Variants in GOLGA6C observed in about 807,000 individuals in gnomAD.
The protein encoded by GOLGA6C is golgin subfamily A member 6C.
GOLGA6C carries 3 observed loss-of-function variants against 57.5 expected under a neutral mutation model. The ratio of observed to expected loss-of-function variants is 0.05; its 90% CI spans 0.02 to 0.13. GOLGA6C has a LOEUF of 0.13. Ranked by LOEUF, GOLGA6C falls within the 10% of genes least tolerant of loss-of-function variation. GOLGA6C has a pLI of 1.00. For missense variants in GOLGA6C, 88 were observed against 525.6 expected (o/e 0.17, Z 8.14); for synonymous variants, 32 against 203.8 (o/e 0.16, Z 7.18).
Position 75,265,054 on chromosome 15 carries a change from G to A in GOLGA6C, c.565-68G>A. The A allele has an allele frequency of 3.8e-6, 6 of 1,586,068 alleles. No homozygotes were observed. In the East Asian group the frequency reaches 9.1e-5, roughly 24 times the overall value. ...CTAACCGAGTTGTATATTGAGCCTA[G>A]CCCTAGCCCTTTTAAGGGGCACTGC... On this transcript the variant is annotated intron_variant, in intron 7 of 17. Coordinates refer to ENST00000300576, the MANE Select transcript of GOLGA6C (RefSeq NM_001164404.2).
chr15:75,260,668 C>A lies in GOLGA6C; in HGVS notation c.204+176C>A, dbSNP rs1230471718. On this transcript the variant is annotated intron_variant, in intron 2 of 17. Coordinates refer to ENST00000300576, the MANE Select transcript of GOLGA6C (RefSeq NM_001164404.2). ...GCTCTTTGAGCCTCTCTTTTCACAT[C>A]TGTGAAATAGGGGTAGTATTGTTTG... Among the ~76,000 whole-genome samples the A allele has an allele frequency of 1.3e-5, 2 of 149,944 alleles. 1 individual carries two copies. The highest frequency in any genetic ancestry group is 4.9e-5 in the African/African-American group (2 of 40,430).
Position 75,272,750 on chromosome 15 carries a change from T to C in GOLGA6C, c.*2551T>C, listed in dbSNP as rs1476528820. 6.6e-6 allele frequency among the ~76,000 whole-genome samples: 1 copy of C among 151,048 alleles called. No homozygotes were observed. The highest frequency in any genetic ancestry group is 2.5e-5 in the African/African-American group (1 of 40,310). On this transcript the variant is annotated 3_prime_UTR_variant, in exon 18 of 18. Coordinates refer to ENST00000300576, the MANE Select transcript of GOLGA6C (RefSeq NM_001164404.2). ...GAAAAATTAAATAGCATGTAAATCA[T>C]ATAACAATAACTTAAGTCTTTCTTC...
chr15:75,270,587 T>C lies in GOLGA6C; in HGVS notation c.*388T>C, dbSNP rs2070785291. On this transcript the variant is annotated 3_prime_UTR_variant, in exon 18 of 18. Transcript: ENST00000300576. ...AGACCCACTAATTTGCACAAAACTA[T>C]TCTGGCTGGTTTGGAACAGGCTGCC... 1.5e-5 allele frequency among the ~76,000 whole-genome samples: 1 copy of C among 66,688 alleles called. No individual in the cohort carries two copies. Among genetic ancestry groups the C allele is most frequent in the Non-Finnish European group, 2.8e-5 (1 of 35,884 alleles). The allele number at this position is 66,688 out of a possible 152,430, so 43.7% of individuals were successfully genotyped here. A position where few individuals can be genotyped will look rare whatever the true frequency, so the allele number is the denominator to read the frequency against.
intron 1 of GOLGA6C, among the ~76,000 whole-genome samples, chr15:75,258,906 C>T (rs1456635581): frequency 5.3e-5 from 8 of 150,890 alleles, no homozygotes; most frequent in South Asian, 2.1e-4. Flanking sequence ...TGACTTTGGG[C>T]GGATGACTAC....
intron 14 of GOLGA6C, among the ~76,000 whole-genome samples, chr15:75,269,248 G>T (rs573650861): frequency 6.0e-4 from 88 of 145,824 alleles, no homozygotes; most frequent in African/African-American, 2.0e-3. Context: ...GGCTCATCTG[G>T]TGGCCTTGGC....
Position 75,264,043 on chromosome 15 carries a change from C to T in GOLGA6C, c.524C>T (p.Ala175Val), listed in dbSNP as rs1267695537. 1 of 1,597,700 alleles carries T rather than the reference C, an allele frequency of 6.3e-7. No individual in the cohort carries two copies. The highest frequency in any genetic ancestry group is 8.5e-7 in the Non-Finnish European group (1 of 1,178,376). Residue 175 changes from alanine to valine, a missense_variant, in exon 7 of 18, where the codon GCT becomes GTT. By Grantham distance (64) the Ala-to-Val change is moderately conservative (BLOSUM62 0). Transcript: ENST00000300576. ...CAGCGTATTCAAGAATTGGAGCGGG[C>T]TCTCTCTGCTGTGTCTACACAGCAG... Reference protein sequence around the residue: ...SLQRIQELERALSAVSTQQQE... With the variant: ...SLQRIQELERVLSAVSTQQQE...
chr15:75,269,074 T>C (rs2070770792), intron 14 of GOLGA6C, among the ~76,000 whole-genome samples, 186 bp downstream of exon 14: 1 of 121,728 alleles, frequency 8.2e-6, no homozygotes, highest in African/African-American at 3.2e-5. Flanking sequence ...GGGAAGGGGT[T>C]GTTCTCCACC....
rs2070730357 is a variant in GOLGA6C at position 75,260,443 on chromosome 15, A to G, written c.155A>G (p.Asp52Gly). 6.4e-7 allele frequency: 1 copy of G among 1,568,100 alleles called. No homozygotes were observed. The highest frequency in any genetic ancestry group is 8.7e-7 in the Non-Finnish European group (1 of 1,150,984). The change falls in exon 2 of 18, where the codon GAC becomes GGC. Residue 52 changes from aspartate to glycine, a missense_variant. Physicochemically the swap from Asp to Gly is moderately conservative, Grantham distance 94. Transcript: ENST00000300576. ...GCAAAGACAAAAAAGAAAAAAACTG[A>G]CAGTAGCCCTGAGACAACCACTTCC... Reference protein sequence around the residue: ...AGAKTKKKKTDSSPETTTSGG... With the variant: ...AGAKTKKKKTGSSPETTTSGG...
In GOLGA6C at chr15:75,273,132, T is replaced by A. The variant is rs2070797921; in HGVS notation, c.*2933T>A. Among the ~76,000 whole-genome samples the A allele has an allele frequency of 1.3e-5, 2 of 152,158 alleles. No homozygotes were observed. Among genetic ancestry groups the A allele is most frequent in the South Asian group, 4.1e-4 (2 of 4,836 alleles). On this transcript the variant is annotated 3_prime_UTR_variant, in exon 18 of 18. Coordinates refer to ENST00000300576, the MANE Select transcript of GOLGA6C (RefSeq NM_001164404.2). ...AATATAGTTTCTCTAAAACTTTATCTTAAAGAGTCATTTTAAAAGAATATA... is the reference window on the plus strand; with the variant it reads ...AATATAGTTTCTCTAAAACTTTATCATAAAGAGTCATTTTAAAAGAATATA...
Position 75,263,691 on chromosome 15 carries a change from A to C in GOLGA6C, c.368A>C (p.Gln123Pro), listed in dbSNP as rs2141630859. The C allele has an allele frequency of 9.4e-7, 1 of 1,058,626 alleles. No homozygotes were observed. Among genetic ancestry groups the C allele is most frequent in the East Asian group, 2.5e-5 (1 of 40,154 alleles). 65.6% of individuals were successfully genotyped at this position (1,058,626 alleles called of 1,614,324 possible). Residue 123 changes from glutamine (Q) to proline (P), a missense_variant, in exon 5 of 18, where the codon CAG (glutamine) becomes CCG (proline). Gln to Pro is a moderately conservative substitution (Grantham distance 76). Transcript: ENST00000300576. The part of the protein sequence containing the change: ...NNEIHKAQME[Q>P]LETINILTLE... ...GAAATACACAAAGCACAAATGGAGC[A>C]GTTAGAGGTGAGTGGAGGGTGGGGA...
intron 2 of GOLGA6C, among the ~76,000 whole-genome samples, chr15:75,260,949 C>CT (rs1396124553): frequency 5.3e-4 from 25 of 47,492 alleles, no homozygotes; most frequent in Non-Finnish European, 9.1e-4. Context: ...AAGAGAAGGT[C>CT]TAACTTGCCA....
rs2070783130 is a variant in GOLGA6C at position 75,270,259 on chromosome 15, C to T, written c.*60C>T. On this transcript the variant is annotated 3_prime_UTR_variant, in exon 18 of 18. Coordinates refer to ENST00000300576, the MANE Select transcript of GOLGA6C (RefSeq NM_001164404.2). ...CATTCTTCTACCAGGCAGCCGAGAA[C>T]AGGGAGATAAACATCATCATCTTCT... is the stretch of plus-strand genomic sequence containing the variant. 5 of 1,566,380 alleles carry T rather than the reference C, an allele frequency of 3.2e-6. No individual in the cohort carries two copies. Among genetic ancestry groups the T allele is most frequent in the Non-Finnish European group, 4.3e-6 (5 of 1,160,186 alleles).
At chr15:75,264,736 G>A (rs2141631787) in intron 7 of GOLGA6C, among the ~76,000 whole-genome samples, 1 of 130,302 alleles carries the variant, frequency 7.7e-6, no homozygotes, top group Middle Eastern at 3.6e-3. Context: ...TCTTAGGCAA[G>A]CACTTAACCT....
rs532749726 is a variant in GOLGA6C, at chr15:75,272,751, A to T, written c.*2552A>T. ...AAAAATTAAATAGCATGTAAATCAT[A>T]TAACAATAACTTAAGTCTTTCTTCA... is the stretch of plus-strand genomic sequence containing the variant. On this transcript the variant is annotated 3_prime_UTR_variant, in exon 18 of 18. Transcript: ENST00000300576. 1.3e-5 allele frequency among the ~76,000 whole-genome samples: 2 copies of T among 151,036 alleles called. No individual in the cohort carries two copies. The highest frequency in any genetic ancestry group is 2.1e-4 in the South Asian group (1 of 4,824).
At chr15:75,265,062 C>G (rs1469880576) in intron 7 of GOLGA6C, 60 bp from the exon 8 acceptor site, 2 of 1,596,652 alleles carry the variant, frequency 1.3e-6, no homozygotes, top group African/African-American at 2.7e-5. Context: ...TAGCCCTAGC[C>G]CTTTTAAGGG....
chr15:75,265,295 C>T lies in GOLGA6C; in HGVS notation c.652-22C>T, dbSNP rs199866016. On this transcript the variant is annotated intron_variant, in intron 8 of 17. Coordinates refer to ENST00000300576, the MANE Select transcript of GOLGA6C (RefSeq NM_001164404.2). The stretch of plus-strand genomic sequence containing the variant: ...GAGGACCAGTGACAGCCCTTCCTAA[C>T]TTCTGTGCCCATTTCTTGCAGGTGA... 2.2e-4 allele frequency: 351 copies of T among 1,594,080 alleles called. 6 individuals carry two copies. Among genetic ancestry groups the T allele is most frequent in the Non-Finnish European group, 4.6e-5 (54 of 1,166,882 alleles).
At chr15:75,265,765 T>C in intron 10 of GOLGA6C, 61 bp downstream of exon 10, 1 of 505,622 alleles carries the variant, frequency 2.0e-6, no homozygotes, top group Non-Finnish European at 3.5e-6. Context: ...TGGGGGTGGC[T>C]TAGAATGCCC....
chr15:75,261,774 G>A (rs2070737268), intron 2 of GOLGA6C, among the ~76,000 whole-genome samples: 1 of 53,010 alleles, frequency 1.9e-5, no homozygotes. Context: ...AAGTAATCTG[G>A]GAATAACGTA....
rs201476942 is a variant in GOLGA6C at position 75,270,120 on chromosome 15, C to T, written c.2003C>T (p.Ala668Val). Residue 668 changes from alanine (A) to valine (V), a missense_variant, in exon 18 of 18, where the codon GCG (alanine) becomes GTG (valine). Transcript: ENST00000300576. ...AACAACGTGGAGCCTGCACCAGGAGCGGCCAGGGAGGGTTCTCCCCATGAC... is the reference window on the plus strand; with the variant it reads ...AACAACGTGGAGCCTGCACCAGGAGTGGCCAGGGAGGGTTCTCCCCATGAC... ...LDNNVEPAPG[A>V]AREGSPHDNP... 1,348 of 1,598,074 alleles carry T rather than the reference C, an allele frequency of 8.4e-4. 34 individuals are homozygous for T. Among genetic ancestry groups the T allele is most frequent in the Admixed American group, 2.4e-3 (138 of 58,352 alleles).
Sources: gnomAD v4.1 joint callset for allele counts (sites outside exome capture counted in the v4.1 genomes callset) on GRCh38, gnomAD v4.1.1 for gene constraint, MANE v1.5 for transcripts, NCBI Gene and HGNC (gene_info 2026-07-23, HGNC 2026-07-21) for gene names.